ZMAT4: variants seen among roughly 807,000 people sequenced by gnomAD.
The protein encoded by ZMAT4 is zinc finger matrin-type 4.
A neutral mutation model predicts 28.7 loss-of-function variants in ZMAT4; 17 were observed. The observed-to-expected ratio is 0.59, with a 90% CI of 0.41 to 0.89. The LOEUF is 0.89. Among genes scored for constraint, ZMAT4 ranks in the 40% least tolerant of loss-of-function variants. The pLI, the probability that ZMAT4 is intolerant of heterozygous loss-of-function variation, is 0.00. For synonymous variants in ZMAT4, 117 were observed against 109.2 expected, an observed-to-expected ratio of 1.07 and a Z score of -0.44; for missense variants, 240 against 283.8, an observed-to-expected ratio of 0.85 and a Z score of 1.11.
At chr8:40,627,153 T>A (rs187836719) in intron 5 of ZMAT4, among the ~76,000 whole-genome samples, 2 of 152,328 alleles carry the variant, frequency 1.3e-5, no homozygotes, top group African/African-American at 2.4e-5. Flanking sequence ...TAGGTTGGGA[T>A]ATTTGAAGTC....
intron 2 of ZMAT4, among the ~76,000 whole-genome samples, chr8:40,791,738 T>C (rs1017362818): frequency 6.6e-6 from 1 of 152,244 alleles, no homozygotes; most frequent in African/African-American, 2.4e-5. Context: ...AGCACACTTT[T>C]CACTACACTG....
chr8:40,812,484 G>A (rs181746435), intron 2 of ZMAT4, among the ~76,000 whole-genome samples: 212 of 152,262 alleles, frequency 1.4e-3, no homozygotes, highest in Non-Finnish European at 1.2e-3. Context: ...CATCCAAAAC[G>A]AGGAAAACCT....
At chr8:40,604,051 G>A (rs764886572) in intron 5 of ZMAT4, among the ~76,000 whole-genome samples, 1 of 152,202 alleles carries the variant, frequency 6.6e-6, no homozygotes, top group Non-Finnish European at 1.5e-5. Context: ...CAGTGCTACT[G>A]ATTTGTGTAC....
intron 3 of ZMAT4, among the ~76,000 whole-genome samples, chr8:40,705,929 C>T (rs1365222864): frequency 2.6e-5 from 4 of 152,218 alleles, no homozygotes; most frequent in Non-Finnish European, 5.9e-5. Flanking sequence ...ATATTTCACA[C>T]TGATAGCACA....
chr8:40,556,096 C>T (rs1192788828), intron 6 of ZMAT4, among the ~76,000 whole-genome samples: 3 of 152,110 alleles, frequency 2.0e-5, no homozygotes, highest in Non-Finnish European at 4.4e-5. Flanking sequence ...CATCTCCTTC[C>T]TCCCACACTT....
At chr8:40,759,219 T>C (rs1586006112) in intron 3 of ZMAT4, among the ~76,000 whole-genome samples, 1 of 143,548 alleles carries the variant, frequency 7.0e-6, no homozygotes, top group Non-Finnish European at 1.5e-5. Context: ...GAGGTGGAGG[T>C]TGCAGTGAGC....
At chr8:40,680,673 C>T (rs1351273550) in intron 4 of ZMAT4, among the ~76,000 whole-genome samples, 2 of 147,524 alleles carry the variant, frequency 1.4e-5, no homozygotes, top group Non-Finnish European at 3.0e-5. Context: ...ATACACTCCT[C>T]TCTCTCTCTG....
At position 40,622,566 on chromosome 8, in the gene ZMAT4, G is replaced by T. The variant is rs534005036; in HGVS notation, c.578-41305C>A. ...GGGATTATCTTTGTTTGTTTGCACT[G>T]CTATCAAGGAATACCTGAGGCTAGG... On this transcript the variant is annotated intron_variant, in intron 5 of 6. Transcript: ENST00000297737. Among the ~76,000 whole-genome samples the T allele has an allele frequency of 1.4e-4, 21 of 152,304 alleles. No homozygotes were observed. The South Asian group carries it at 1.4e-3, about 11-fold the overall frequency.
Position 40,611,562 on chromosome 8 carries a change from G to A in ZMAT4, c.578-30301C>T, listed in dbSNP as rs142319587. Reference sequence around the variant, plus strand: ...TCACTGTGTTAGCCAGGATGGTCTCGATCTCCTGACCTGGTGATCCACCCA... The same window carrying A: ...TCACTGTGTTAGCCAGGATGGTCTCAATCTCCTGACCTGGTGATCCACCCA... On this transcript the variant is annotated intron_variant, in intron 5 of 6. Transcript: ENST00000297737. Among the ~76,000 whole-genome samples the A allele has an allele frequency of 5.2e-3, 798 of 152,192 alleles. 41 individuals are homozygous for A. The East Asian group carries it at 0.13, about 26-fold the overall frequency.
At chr8:40,607,265 C>T (rs955337929) in intron 5 of ZMAT4, among the ~76,000 whole-genome samples, 7 of 151,672 alleles carry the variant, frequency 4.6e-5, no homozygotes, top group Non-Finnish European at 1.0e-4. Context: ...GCTGGGACTA[C>T]AGGTGCCCGC....
intron 6 of ZMAT4, among the ~76,000 whole-genome samples, chr8:40,574,990 G>A (rs12678968): frequency 0.092 from 14,031 of 152,192 alleles, 1,299 homozygotes; most frequent in East Asian, 0.53. Flanking sequence ...AGTCACTGCT[G>A]GAGTGTGACC....
At chr8:40,733,028 A>T (rs549408937) in intron 3 of ZMAT4, among the ~76,000 whole-genome samples, 231 of 151,784 alleles carry the variant, frequency 1.5e-3, no homozygotes, top group African/African-American at 5.4e-3. Context: ...AATTTTCATT[A>T]TCTTAGAGGT....
chr8:40,692,968 T>C (rs1809720556), intron 4 of ZMAT4, among the ~76,000 whole-genome samples: 1 of 152,204 alleles, frequency 6.6e-6, no homozygotes, highest in South Asian at 2.1e-4. Context: ...TTTGCTCATA[T>C]ACCGGGTTAG....
In ZMAT4 at chr8:40,680,700, GTACACACACA is replaced by G. The variant is rs1173639824; in HGVS notation, c.350-5779_350-5770del. On this transcript the variant is annotated intron_variant, in intron 4 of 6. Transcript: ENST00000297737. ...CTCTCTCTGTCTCTACATGTCTAATGTACACACACACACACACACACACACACACACATAT... is the reference window on the plus strand; with the variant it reads ...CTCTCTCTGTCTCTACATGTCTAATGCACACACACACACACACACACATAT... Among the ~76,000 whole-genome samples the G allele has an allele frequency of 3.2e-3, 482 of 149,206 alleles. 1 individual carries two copies. Among genetic ancestry groups the G allele is most frequent in the Non-Finnish European group, 4.2e-3 (280 of 67,218 alleles).
intron 5 of ZMAT4, among the ~76,000 whole-genome samples, chr8:40,617,632 C>G (rs1219318985): frequency 6.6e-6 from 1 of 152,180 alleles, no homozygotes; most frequent in Non-Finnish European, 1.5e-5. Context: ...GAGCAAATAT[C>G]TGTAAATGCC....
intron 1 of ZMAT4, among the ~76,000 whole-genome samples, chr8:40,892,381 GC>G (rs34134845): frequency 3.9e-5 from 6 of 152,026 alleles, no homozygotes; most frequent in South Asian, 2.1e-4. Flanking sequence ...ACACTCAGGA[GC>G]CCCCCCAGGG....
At chr8:40,690,505 G>C (rs1481762376) in intron 4 of ZMAT4, among the ~76,000 whole-genome samples, 1 of 152,144 alleles carries the variant, frequency 6.6e-6, no homozygotes, top group Non-Finnish European at 1.5e-5. Flanking sequence ...CCACTATTAA[G>C]ATCTGCTTGT....
At chr8:40,726,989 A>G (rs140884471) in intron 3 of ZMAT4, among the ~76,000 whole-genome samples, 1 of 152,322 alleles carries the variant, frequency 6.6e-6, no homozygotes, top group Non-Finnish European at 1.5e-5. Flanking sequence ...ACCCTAAGTC[A>G]TCGGAGAGGT....
chr8:40,764,792 G>T (rs1421458854), intron 3 of ZMAT4, among the ~76,000 whole-genome samples: 1 of 152,050 alleles, frequency 6.6e-6, no homozygotes, highest in Non-Finnish European at 1.5e-5. Flanking sequence ...TATGACTTAT[G>T]TCAGTTGGGC....
Sources: gnomAD v4.1 joint callset for allele counts (sites outside exome capture counted in the v4.1 genomes callset) on GRCh38, gnomAD v4.1.1 for gene constraint, MANE v1.5 for transcripts, NCBI Gene and HGNC (gene_info 2026-07-23, HGNC 2026-07-21) for gene names.